The following ARFGEF3 variants were observed in gnomAD, a reference collection of about 807,000 sequenced individuals.
The protein encoded by ARFGEF3 is ARFGEF family member 3.
Under a neutral mutation model 221.7 loss-of-function variants are expected in ARFGEF3, and 96 were observed. The ratio of observed to expected loss-of-function variants is 0.43; its 90% CI spans 0.37 to 0.51. The LOEUF (loss-of-function observed/expected upper bound fraction) is 0.51, where lower values mean the gene tolerates loss of function less well. Among genes scored for constraint, ARFGEF3 ranks in the 20% least tolerant of loss-of-function variants. The pLI, the probability that ARFGEF3 is intolerant of heterozygous loss-of-function variation, is 0.00. For synonymous variants in ARFGEF3, 1,145 were observed against 1,126.8 expected, an observed-to-expected ratio of 1.02 and a Z score of -0.32; for missense variants, 2,410 against 2,789.9, an observed-to-expected ratio of 0.86 and a Z score of 3.07.
rs34359396 is a variant in ARFGEF3 at position 138,307,461 on chromosome 6, TAA to T, written c.3973+75_3973+76del. On this transcript the variant is annotated intron_variant, in intron 23 of 33. Coordinates refer to ENST00000251691, the MANE Select transcript of ARFGEF3 (RefSeq NM_020340.5). ...TTCTCTGTGCCAAGTTTCATGCTATTAAAAAAAAAAAATTGAACAATAGGGAA... is the reference window on the plus strand; with the variant it reads ...TTCTCTGTGCCAAGTTTCATGCTATTAAAAAAAAAATTGAACAATAGGGAA... 9,845 of 1,246,158 alleles carry T rather than the reference TAA, an allele frequency of 7.9e-3. 488 individuals carry two copies. The African/African-American group carries it at 0.12, about 16-fold the overall frequency. 77.2% of individuals were successfully genotyped at this position (1,246,158 alleles called of 1,614,324 possible). A position where few individuals can be genotyped will look rare whatever the true frequency, so the allele number is the denominator to read the frequency against.
chr6:138,328,690 T>C (rs1780169033), intron 32 of ARFGEF3, among the ~76,000 whole-genome samples: 1 of 150,664 alleles, frequency 6.6e-6, no homozygotes, highest in Admixed American at 6.6e-5. Context: ...CAACCCATGA[T>C]GTCATACACT....
chr6:138,253,758 C>T (rs1335120975), intron 8 of ARFGEF3, 122 bp from the exon 9 acceptor site: 6 of 756,908 alleles, frequency 7.9e-6, no homozygotes, highest in Non-Finnish European at 1.3e-5. Context: ...TAACACTAAC[C>T]GTCCCCCTAA....
chr6:138,263,378 C>T lies in ARFGEF3; in HGVS notation c.1895C>T (p.Ser632Leu), dbSNP rs781010420. The T allele has an allele frequency of 1.2e-6, 2 of 1,613,962 alleles. No homozygotes were observed. Among genetic ancestry groups the T allele is most frequent in the Non-Finnish European group, 8.5e-7 (1 of 1,179,878 alleles). The change falls in exon 12 of 34, where the codon TCG (serine) becomes TTG (leucine). Residue 632 changes from serine to leucine, a missense_variant. Around this residue, in one of 5 missense-constraint regions of ARFGEF3, gnomAD observed 594 missense variants for 734.3 expected, o/e 0.81. Transcript: ENST00000251691. ...AGGTCCGACGTGTCAGACATTGGGT[C>T]GGACAACTGTTCACTAGCCGATGAA... Reference protein sequence around the residue: ...SGRSDVSDIGSDNCSLADEEQ... With the variant: ...SGRSDVSDIGLDNCSLADEEQ...
chr6:138,161,979 G>A lies in ARFGEF3; in HGVS notation c.-108G>A. 2.2e-6 allele frequency: 1 copy of A among 463,294 alleles called. No individual in the cohort carries two copies. Among genetic ancestry groups the A allele is most frequent in the Non-Finnish European group, 3.3e-6 (1 of 305,900 alleles). 28.7% of individuals were successfully genotyped at this position (463,294 alleles called of 1,614,324 possible). On this transcript the variant is annotated 5_prime_UTR_variant, in exon 1 of 34. Transcript: ENST00000251691. Reference sequence around the variant, plus strand: ...CCGCGCCGGGGCGGCATGGGGGCGCGCGCGGCGGCCGCCTAGGCGCCCAGG... The same window carrying A: ...CCGCGCCGGGGCGGCATGGGGGCGCACGCGGCGGCCGCCTAGGCGCCCAGG...
chr6:138,203,254 G>A (rs1777569527), intron 2 of ARFGEF3, among the ~76,000 whole-genome samples: 1 of 152,142 alleles, frequency 6.6e-6, no homozygotes, highest in South Asian at 2.1e-4. Flanking sequence ...GAGGTTGGAA[G>A]GAACTTGGTC....
At chr6:138,209,536 G>A (rs749668728) in intron 3 of ARFGEF3, among the ~76,000 whole-genome samples, 16 of 152,054 alleles carry the variant, frequency 1.1e-4, no homozygotes, top group Admixed American at 1.3e-4. Flanking sequence ...TGCAACCTCC[G>A]CCTCCCGGGT....
At chr6:138,269,238 C>G (rs1178865922) in intron 12 of ARFGEF3, among the ~76,000 whole-genome samples, 1 of 152,260 alleles carries the variant, frequency 6.6e-6, no homozygotes, top group Admixed American at 6.5e-5. Flanking sequence ...TGCCTCACCG[C>G]TTCTTCCCCT....
chr6:138,279,975 CCTT>C (rs1779167415), intron 13 of ARFGEF3, 21 bp from the exon 14 acceptor site: 1 of 1,613,024 alleles, frequency 6.2e-7, no homozygotes. Flanking sequence ...TATGTGGTCA[CCTT>C]CTCATGCGAT....
chr6:138,334,999 A>G lies in ARFGEF3; in HGVS notation c.6153A>G (p.Gly2051=), dbSNP rs1780296479. The change falls in exon 33 of 34, where the codon GGA becomes GGG. Residue 2051 remains glycine (G), a synonymous_variant. Transcript: ENST00000251691. The surrounding 1 kb of genome is among the most constrained non-coding windows in gnomAD (Gnocchi z 5.1). The part of the protein sequence containing the change: ...FPKEVKVEKK[G]EPLGPRGQDS... ...AAGAGGTCAAAGTGGAGAAGAAAGG[A>G]GAGCCACTGGGTCCCAGGGGCCAGG... is the stretch of plus-strand genomic sequence containing the variant. The G allele has an allele frequency of 5.7e-6, 9 of 1,586,704 alleles. No individual in the cohort carries two copies. Among genetic ancestry groups the G allele is most frequent in the Non-Finnish European group, 7.7e-6 (9 of 1,167,232 alleles).
chr6:138,188,309 C>A (rs1384098311), intron 2 of ARFGEF3, among the ~76,000 whole-genome samples: 1 of 152,116 alleles, frequency 6.6e-6, no homozygotes, highest in Non-Finnish European at 1.5e-5. Context: ...CTTAGGTTCC[C>A]CCCCTCCGGT....
At chr6:138,316,248 T>C (rs551624651) in intron 26 of ARFGEF3, among the ~76,000 whole-genome samples, 1 of 152,334 alleles carries the variant, frequency 6.6e-6, no homozygotes, top group South Asian at 2.1e-4. Flanking sequence ...TATCATTATG[T>C]AGACATAGTA....
intron 31 of ARFGEF3, among the ~76,000 whole-genome samples, chr6:138,327,162 A>T (rs569865214): frequency 6.6e-6 from 1 of 152,346 alleles, no homozygotes; most frequent in East Asian, 1.9e-4. Context: ...GCTAGGCTTA[A>T]TACCTGGGTG....
At chr6:138,184,085 T>A (rs1179029798) in intron 2 of ARFGEF3, among the ~76,000 whole-genome samples, 4 of 152,226 alleles carry the variant, frequency 2.6e-5, no homozygotes, top group African/African-American at 9.6e-5. Flanking sequence ...TGTACATTTT[T>A]AAAAATTATC....
Position 138,344,248 on chromosome 6 carries a change from A to T in ARFGEF3, c.*7762A>T, listed in dbSNP as rs1041003102. 1 of 152,192 alleles carries T rather than the reference A, an allele frequency of 6.6e-6. No individual in the cohort carries two copies. The highest frequency in any genetic ancestry group is 2.4e-5 in the African/African-American group (1 of 41,440). 9.4% of individuals were successfully genotyped at this position (152,192 alleles called of 1,614,324 possible). Reference sequence around the variant, plus strand: ...TAGCCATAATGATTTGAGTCAGTATACCATTTTACCTATAAAATGCAAAAT... The same window carrying T: ...TAGCCATAATGATTTGAGTCAGTATTCCATTTTACCTATAAAATGCAAAAT... On this transcript the variant is annotated 3_prime_UTR_variant, in exon 34 of 34. Transcript: ENST00000251691.
intron 4 of ARFGEF3, chr6:138,215,928 A>AGG (rs1554251043): frequency 1.5e-5 from 2 of 132,302 alleles, no homozygotes; most frequent in African/African-American, 5.7e-5. Context: ...GGGAAAGGGA[A>AGG]AGAGTGTAAT....
intron 32 of ARFGEF3, among the ~76,000 whole-genome samples, chr6:138,329,523 G>T (rs1012450474): frequency 1.3e-5 from 2 of 152,156 alleles, no homozygotes; most frequent in Non-Finnish European, 2.9e-5. Flanking sequence ...AATTAGCCAG[G>T]CATGATGGCA....
At chr6:138,306,953 T>TAAAAAAAAAAAAA (rs71773390) in intron 22 of ARFGEF3, among the ~76,000 whole-genome samples, 1 of 113,722 alleles carries the variant, frequency 8.8e-6, no homozygotes, top group Non-Finnish European at 1.9e-5. Flanking sequence ...TAAGGAACTC[T>TAAAAAAAAAAAAA]AAAAAAAAAA....
chr6:138,314,010 GA>G (rs1779875532), intron 26 of ARFGEF3, 71 bp downstream of exon 26: 4 of 1,489,424 alleles, frequency 2.7e-6, no homozygotes, highest in Non-Finnish European at 3.7e-6. Context: ...AGTCATAAAT[GA>G]AGTACCTTAA....
chr6:138,299,228 A>G (rs569340616), intron 22 of ARFGEF3, among the ~76,000 whole-genome samples: 2 of 148,266 alleles, frequency 1.3e-5, no homozygotes, highest in African/African-American at 4.9e-5. Context: ...AAAAAAACAG[A>G]AAAGTTAAGC....
Sources: allele counts gnomAD v4.1 joint callset (sites outside exome capture counted in the v4.1 genomes callset), GRCh38; gene constraint gnomAD v4.1.1; regional missense constraint gnomAD v4.1.1; non-coding constraint Gnocchi (gnomAD v3.1); transcripts MANE v1.5; gene names NCBI Gene and HGNC (gene_info 2026-07-23, HGNC 2026-07-21).